The following CACNA2D3 variants were observed in gnomAD, a reference collection of about 807,000 sequenced individuals.
The protein encoded by CACNA2D3 is calcium voltage-gated channel auxiliary subunit alpha2delta 3, also known as voltage-dependent calcium channel subunit alpha-2/delta-3.
CACNA2D3 carries 60 observed loss-of-function variants against 160.6 expected under a neutral mutation model. The ratio of observed to expected loss-of-function variants is 0.37; its 90% confidence interval spans 0.30 to 0.46. The LOEUF (loss-of-function observed/expected upper bound fraction) is 0.46, where lower values mean the gene tolerates loss of function less well. Among genes scored for constraint, CACNA2D3 ranks in the 20% least tolerant of loss-of-function variants. CACNA2D3 has a pLI of 1.00. For synonymous variants in CACNA2D3, 558 were observed against 492.9 expected (o/e 1.13, Z -1.75); for missense variants, 1,205 against 1,365.0 (o/e 0.88, Z 1.85).
intron 2 of CACNA2D3, among the ~76,000 whole-genome samples, chr3:54,280,797 A>G (rs1040918089): frequency 5.9e-5 from 9 of 151,964 alleles, no homozygotes; most frequent in African/African-American, 2.2e-4. Context: ...TTCTTAGCTA[A>G]CGATTCCTCC....
At chr3:54,506,652 A>G (rs1170510239) in intron 5 of CACNA2D3, among the ~76,000 whole-genome samples, 3 of 152,324 alleles carry the variant, frequency 2.0e-5, no homozygotes, top group East Asian at 1.9e-4. Flanking sequence ...AAAGAGGCAT[A>G]TTCATTGAGT....
At chr3:54,289,775 T>G (rs1331947166) in intron 2 of CACNA2D3, among the ~76,000 whole-genome samples, 2 of 152,114 alleles carry the variant, frequency 1.3e-5, no homozygotes, top group African/African-American at 2.4e-5. Context: ...CCATCTGATC[T>G]TTGACAAACC....
At chr3:54,425,110 G>A (rs191357447) in intron 4 of CACNA2D3, among the ~76,000 whole-genome samples, 184 of 152,252 alleles carry the variant, frequency 1.2e-3, no homozygotes, top group African/African-American at 4.2e-3. Flanking sequence ...CAGGTGTATC[G>A]CCTGAGGTCA....
chr3:54,778,613 T>G (rs1702469119), intron 13 of CACNA2D3, among the ~76,000 whole-genome samples: 1 of 152,150 alleles, frequency 6.6e-6, no homozygotes, highest in South Asian at 2.1e-4. Context: ...CAAATAAACT[T>G]TTTGCCACTG....
At chr3:54,582,586 A>G (rs574137191) in intron 9 of CACNA2D3, among the ~76,000 whole-genome samples, 2 of 152,208 alleles carry the variant, frequency 1.3e-5, no homozygotes, top group Non-Finnish European at 2.9e-5. Context: ...TTGAAGGTAT[A>G]GCTGTGGCTG....
intron 8 of CACNA2D3, among the ~76,000 whole-genome samples, chr3:54,573,053 A>T (rs11715791): frequency 0.18 from 26,677 of 151,954 alleles, 2,445 homozygotes; most frequent in Middle Eastern, 0.26. Flanking sequence ...AAGAAAAAAA[A>T]TTTTTTTACC....
At chr3:54,354,838 G>A (rs1698621879) in intron 3 of CACNA2D3, among the ~76,000 whole-genome samples, 1 of 152,134 alleles carries the variant, frequency 6.6e-6, no homozygotes, top group Non-Finnish European at 1.5e-5. Context: ...GTCTCTAAAT[G>A]TAAGCCAACG....
rs1052989828 is a variant in CACNA2D3 at position 54,633,259 on chromosome 3, G to A, written c.1053+5383G>A. Among the ~76,000 whole-genome samples, 8 of 152,284 alleles carry A rather than the reference G, an allele frequency of 5.3e-5. 1 individual carries two copies. The highest frequency in any genetic ancestry group is 5.2e-4 in the Admixed American group (8 of 15,302). ...GAAAGGCCATATTGTGTGCTCAATT[G>A]GAGAGTAGATTCTAGAGCTTGATGG... On this transcript the variant is annotated intron_variant, in intron 10 of 37. Coordinates refer to ENST00000474759, the MANE Select transcript of CACNA2D3 (RefSeq NM_018398.3).
chr3:54,335,936 G>A (rs1471716062), intron 3 of CACNA2D3, among the ~76,000 whole-genome samples: 12 of 148,782 alleles, frequency 8.1e-5, no homozygotes, highest in East Asian at 3.9e-4. Context: ...CCTGGGAGGC[G>A]GAGTTTGCAG....
intron 2 of CACNA2D3, among the ~76,000 whole-genome samples, chr3:54,315,799 T>C (rs1703846646): frequency 6.6e-6 from 1 of 152,186 alleles, no homozygotes; most frequent in Non-Finnish European, 1.5e-5. Context: ...AGGACTCATT[T>C]TACTGACTTC....
chr3:54,713,701 A>C (rs1232440640), intron 11 of CACNA2D3, among the ~76,000 whole-genome samples: 1 of 152,204 alleles, frequency 6.6e-6, no homozygotes. Context: ...GCTAGGTCAG[A>C]GATAACTCTG....
intron 2 of CACNA2D3, among the ~76,000 whole-genome samples, chr3:54,163,469 G>A (rs887989635): frequency 6.6e-6 from 1 of 152,208 alleles, no homozygotes; most frequent in African/African-American, 2.4e-5. Context: ...AGGAAAGGGC[G>A]ATGGTGGAAT....
At chr3:54,681,487 C>T (rs773239622) in intron 11 of CACNA2D3, among the ~76,000 whole-genome samples, 13 of 138,714 alleles carry the variant, frequency 9.4e-5, no homozygotes, top group Admixed American at 2.2e-4. Context: ...ACCCAGGAGG[C>T]GGAGGTTGTA....
chr3:54,736,876 C>T (rs192986155), intron 11 of CACNA2D3, among the ~76,000 whole-genome samples: 193 of 152,254 alleles, frequency 1.3e-3, no homozygotes, highest in Middle Eastern at 3.4e-3. Context: ...TTGTAATCCT[C>T]GGTTTGTTCA....
intron 13 of CACNA2D3, among the ~76,000 whole-genome samples, chr3:54,813,177 G>T (rs1274760180): frequency 6.6e-6 from 1 of 152,154 alleles, no homozygotes. Flanking sequence ...GATGTATTCA[G>T]TTATACAGAG....
intron 9 of CACNA2D3, among the ~76,000 whole-genome samples, chr3:54,624,777 C>G (rs1266931880): frequency 6.6e-6 from 1 of 152,238 alleles, no homozygotes; most frequent in East Asian, 1.9e-4. Flanking sequence ...TGACCAGCCT[C>G]TCAGTGAGCT....
At chr3:54,316,255 G>A (rs866357771) in intron 2 of CACNA2D3, among the ~76,000 whole-genome samples, 9 of 152,158 alleles carry the variant, frequency 5.9e-5, no homozygotes, top group Non-Finnish European at 1.5e-5. Context: ...AGGTCAAATT[G>A]CTTGGTTTTC....
At chr3:54,903,481 A>G (rs901697473) in intron 27 of CACNA2D3, among the ~76,000 whole-genome samples, 6 of 152,134 alleles carry the variant, frequency 3.9e-5, no homozygotes, top group Admixed American at 2.0e-4. Context: ...GGTTGATTCC[A>G]TGTCTTTGCT....
At chr3:54,512,871 C>T (rs1035675848) in intron 5 of CACNA2D3, among the ~76,000 whole-genome samples, 7 of 152,182 alleles carry the variant, frequency 4.6e-5, no homozygotes, top group African/African-American at 1.7e-4. Flanking sequence ...ACTTACAGTT[C>T]CACATGGCTG....
Sources: allele counts gnomAD v4.1 joint callset (sites outside exome capture counted in the v4.1 genomes callset), GRCh38; gene constraint gnomAD v4.1.1; transcripts MANE v1.5; gene names NCBI Gene and HGNC (gene_info 2026-07-23, HGNC 2026-07-21).